The following C12orf42 variants were observed in gnomAD, a reference collection of about 807,000 sequenced individuals.
C12orf42 encodes the protein uncharacterized protein C12orf42.
C12orf42 carries 25 observed loss-of-function variants against 21.6 expected under a neutral mutation model. The observed-to-expected ratio is 1.16, with a 90% CI of 0.84 to 1.62. The LOEUF (loss-of-function observed/expected upper bound fraction) is 1.62. C12orf42 is among the 40% of genes most tolerant of loss of function. C12orf42 has a pLI of 0.00. For missense variants in C12orf42, 483 were observed against 459.3 expected, an observed-to-expected ratio of 1.05 and a Z score of -0.47; for synonymous variants, 174 against 175.0, an observed-to-expected ratio of 0.99 and a Z score of 0.05.
At chr12:103,304,216 C>G (rs1228608446) in intron 5 of C12orf42, among the ~76,000 whole-genome samples, 2 of 152,168 alleles carry the variant, frequency 1.3e-5, no homozygotes, top group Non-Finnish European at 2.9e-5. Flanking sequence ...ACCTACTTCA[C>G]AGGGTTGCTA....
intron 4 of C12orf42, among the ~76,000 whole-genome samples, chr12:103,294,624 G>GGAAGAA (rs2037117702): frequency 7.2e-6 from 1 of 139,826 alleles, no homozygotes; most frequent in Non-Finnish European, 1.5e-5. Flanking sequence ...AAGAAAGAAA[G>GGAAGAA]AAAGAAAGAA....
intron 2 of C12orf42, among the ~76,000 whole-genome samples, chr12:103,435,430 G>T (rs1468344511): frequency 1.3e-5 from 2 of 152,192 alleles, no homozygotes; most frequent in Non-Finnish European, 2.9e-5. Context: ...AGAGAAGAAG[G>T]CTTCAGACGA....
intron 2 of C12orf42, among the ~76,000 whole-genome samples, chr12:103,407,355 C>T (rs1036807496): frequency 3.3e-5 from 5 of 152,176 alleles, no homozygotes; most frequent in South Asian, 2.1e-4. Context: ...GTTTGAACTG[C>T]GCAGGTCTAC....
At chr12:103,133,262 C>T in the C12orf42 span, among the ~76,000 whole-genome samples, 1 of 152,136 alleles carries the variant, frequency 6.6e-6, no homozygotes, top group Non-Finnish European at 1.5e-5. Context: ...CATTTGGGAT[C>T]CAGAGGTTAG....
At chr12:103,051,146 C>T in the C12orf42 span, among the ~76,000 whole-genome samples, 14 of 152,110 alleles carry the variant, frequency 9.2e-5, no homozygotes, top group Non-Finnish European at 1.9e-4. Context: ...TAAAAAATCC[C>T]AGCAAATTTA....
At chr12:103,384,252 A>G (rs1421771585) in intron 3 of C12orf42, among the ~76,000 whole-genome samples, 1 of 151,350 alleles carries the variant, frequency 6.6e-6, no homozygotes, top group Non-Finnish European at 1.5e-5. Flanking sequence ...GCTAAGCGAC[A>G]TTCAAAAAAA....
chr12:103,112,252 G>A, the C12orf42 span, among the ~76,000 whole-genome samples: 1 of 152,142 alleles, frequency 6.6e-6, no homozygotes. Flanking sequence ...AGCGTTATGA[G>A]GCATTTAGCT....
the C12orf42 span, among the ~76,000 whole-genome samples, chr12:103,110,615 AAAAT>A: frequency 6.6e-6 from 1 of 152,204 alleles, no homozygotes; most frequent in Non-Finnish European, 1.5e-5. Flanking sequence ...TATTATAACT[AAAAT>A]AAAGTTTAAA....
Position 103,389,111 on chromosome 12 carries a change from G to T in C12orf42, c.147+12496C>A, listed in dbSNP as rs1015796577. Among the ~76,000 whole-genome samples the T allele has an allele frequency of 2.0e-5, 3 of 152,186 alleles. No individual in the cohort carries two copies. In the South Asian group the frequency reaches 6.2e-4, roughly 31 times the overall value. On this transcript the variant is annotated intron_variant, in intron 3 of 5. Transcript: ENST00000548883. The stretch of plus-strand genomic sequence containing the variant: ...CATCATCCCCAAATCCCTCTTACCA[G>T]AGCAGGAAATAGGGGCTCTTGAGAG...
the C12orf42 span, among the ~76,000 whole-genome samples, chr12:103,156,565 G>A: frequency 6.6e-6 from 1 of 152,002 alleles, no homozygotes; most frequent in Non-Finnish European, 1.5e-5. Flanking sequence ...TTGTTACATA[G>A]GAAAATGTGT....
chr12:103,126,161 C>T, the C12orf42 span, among the ~76,000 whole-genome samples: 1 of 152,120 alleles, frequency 6.6e-6, no homozygotes, highest in African/African-American at 2.4e-5. Context: ...AGGAAGAAAT[C>T]TAGGCAATGC....
chr12:103,427,254 T>C (rs1301003666), intron 2 of C12orf42, among the ~76,000 whole-genome samples: 1 of 129,736 alleles, frequency 7.7e-6, no homozygotes, highest in African/African-American at 3.0e-5. Context: ...AATAAAGGGA[T>C]GGAGGAATAT....
chr12:103,268,236 T>G (rs2136245693), downstream of C12orf42: 1 of 152,138 alleles, frequency 6.6e-6, no homozygotes, highest in South Asian at 2.1e-4. Flanking sequence ...ACAATTGGAG[T>G]AAGCTGTTTA....
chr12:103,530,301 G>A, the C12orf42 span, among the ~76,000 whole-genome samples: 24,390 of 152,210 alleles, frequency 0.16, 2,413 homozygotes, highest in South Asian at 0.31. Context: ...TATGAAGAGC[G>A]TGATGTGGGA....
chr12:103,052,250 T>C, the C12orf42 span, among the ~76,000 whole-genome samples: 1 of 152,116 alleles, frequency 6.6e-6, no homozygotes, highest in Non-Finnish European at 1.5e-5. Context: ...GATAACCAGG[T>C]TTATAGATGC....
chr12:103,154,025 CAAAAAAAAAA>C, the C12orf42 span, among the ~76,000 whole-genome samples: 10 of 51,668 alleles, frequency 1.9e-4, no homozygotes, highest in South Asian at 9.5e-4. Flanking sequence ...CAAATCTCAG[CAAAAAAAAAA>C]AAAAAAAAAA....
At chr12:103,440,612 A>G (rs915330348) in intron 2 of C12orf42, among the ~76,000 whole-genome samples, 1 of 152,104 alleles carries the variant, frequency 6.6e-6, no homozygotes, top group Non-Finnish European at 1.5e-5. Context: ...TATGTGCACT[A>G]CAAATCCATG....
chr12:103,208,584 A>G, the C12orf42 span, among the ~76,000 whole-genome samples: 2 of 152,216 alleles, frequency 1.3e-5, no homozygotes, highest in Non-Finnish European at 2.9e-5. Flanking sequence ...TTTGCCCAGA[A>G]AGAGCAATTT....
chr12:103,398,773 C>T (rs1324980808), intron 3 of C12orf42, among the ~76,000 whole-genome samples: 1 of 152,156 alleles, frequency 6.6e-6, no homozygotes, highest in South Asian at 2.1e-4. Context: ...TATCTAATAT[C>T]CTTTCTTTTG....
Sources: allele counts gnomAD v4.1 joint callset (sites outside exome capture counted in the v4.1 genomes callset), GRCh38; gene constraint gnomAD v4.1.1; transcripts MANE v1.5; gene names NCBI Gene and HGNC (gene_info 2026-07-23, HGNC 2026-07-21).